RPRD2: variants seen among roughly 807,000 people sequenced by gnomAD.
RPRD2 encodes regulation of nuclear pre-mRNA domain containing 2.
A neutral mutation model predicts 104.4 loss-of-function variants in RPRD2; 12 were observed. The ratio of observed to expected loss-of-function variants is 0.11; its 90% CI spans 0.07 to 0.19. The LOEUF is 0.19. Ranked by LOEUF, RPRD2 falls within the 10% of genes least tolerant of loss-of-function variation. The pLI is 1.00. For synonymous variants in RPRD2, 714 were observed against 684.9 expected, an observed-to-expected ratio of 1.04 and a Z score of -0.66; for missense variants, 1,543 against 1,790.1, an observed-to-expected ratio of 0.86 and a Z score of 2.49.
At chr1:150,428,587 C>T (rs1164674951) in intron 2 of RPRD2, among the ~76,000 whole-genome samples, 3 of 151,798 alleles carry the variant, frequency 2.0e-5, no homozygotes, top group African/African-American at 7.3e-5. Flanking sequence ...TCGAGCTATT[C>T]TCATGCGTCA....
chr1:150,407,018 A>G (rs1267570544), intron 1 of RPRD2, among the ~76,000 whole-genome samples: 1 of 152,170 alleles, frequency 6.6e-6, no homozygotes, highest in Non-Finnish European at 1.5e-5. Context: ...CCTAGCCAGT[A>G]AATTCTTGTA....
At chr1:150,433,910 A>G (rs1353695145) in intron 2 of RPRD2, among the ~76,000 whole-genome samples, 2 of 117,108 alleles carry the variant, frequency 1.7e-5, no homozygotes, top group African/African-American at 6.7e-5. Flanking sequence ...ATATGTATGT[A>G]TATATAGTGT....
At position 150,476,561 on chromosome 1, in the gene RPRD2, T is replaced by G. The variant is rs1404828404; in HGVS notation, c.*3227T>G. The G allele has an allele frequency of 2.0e-5, 3 of 152,186 alleles. No homozygotes were observed. Among genetic ancestry groups the G allele is most frequent in the Non-Finnish European group, 4.4e-5 (3 of 68,030 alleles). The allele number at this position is 152,186 out of a possible 1,614,324, so 9.4% of individuals were successfully genotyped here. On this transcript the variant is annotated 3_prime_UTR_variant, in exon 11 of 11. Transcript: ENST00000369068. ...AATATCGTTTAATAAAATAACTAGT[T>G]TGAAAGGTTTGACATTTTTCTTTGA...
chr1:150,383,378 A>G (rs1661298948), intron 1 of RPRD2, among the ~76,000 whole-genome samples: 1 of 143,868 alleles, frequency 7.0e-6, no homozygotes, highest in South Asian at 2.2e-4. Context: ...GCAGTGGCGC[A>G]ATCTTGGCTC....
rs1553884932 is a variant in RPRD2, at chr1:150,399,680, C to T, written c.206-17916C>T. Among the ~76,000 whole-genome samples, 4 of 151,604 alleles carry T rather than the reference C, an allele frequency of 2.6e-5. No homozygotes were observed. In the Middle Eastern group the frequency reaches 0.01, roughly 387 times the overall value. ...GCTGAGGCAGGAGAATTGCTTAAAC[C>T]TAGGAGGCAGAGGTTGCGGTGAGCA... On this transcript the variant is annotated intron_variant, in intron 1 of 10. Transcript: ENST00000369068.
At chr1:150,365,947 G>A (rs1352129158) in intron 1 of RPRD2, among the ~76,000 whole-genome samples, 1 of 152,142 alleles carries the variant, frequency 6.6e-6, no homozygotes, top group Non-Finnish European at 1.5e-5. Context: ...TGATCTCATG[G>A]GTAATGTGCA....
chr1:150,445,667 T>C (rs1345182906), intron 6 of RPRD2, among the ~76,000 whole-genome samples: 1 of 152,232 alleles, frequency 6.6e-6, no homozygotes, highest in African/African-American at 2.4e-5. Context: ...TTCTTTTCTT[T>C]ACCTTAATTA....
chr1:150,408,242 G>A (rs1385190054), intron 1 of RPRD2, among the ~76,000 whole-genome samples: 2 of 126,740 alleles, frequency 1.6e-5, no homozygotes, highest in South Asian at 2.3e-4. Flanking sequence ...TTGGTTCACT[G>A]CAACCCCTGC....
chr1:150,378,828 C>T (rs1553880123), intron 1 of RPRD2, among the ~76,000 whole-genome samples: 1 of 150,610 alleles, frequency 6.6e-6, no homozygotes, highest in Non-Finnish European at 1.5e-5. Context: ...ACTAAAAATA[C>T]AAAACTTAGC....
chr1:150,379,957 G>C (rs1422750407), intron 1 of RPRD2, among the ~76,000 whole-genome samples: 1 of 152,172 alleles, frequency 6.6e-6, no homozygotes, highest in Non-Finnish European at 1.5e-5. Context: ...AATGACCTTT[G>C]TCAATTTTCT....
chr1:150,385,833 T>G (rs994017314), intron 1 of RPRD2, among the ~76,000 whole-genome samples: 7 of 152,246 alleles, frequency 4.6e-5, no homozygotes, highest in Non-Finnish European at 4.4e-5. Flanking sequence ...AATAGAAATC[T>G]GAATATTTTC....
At chr1:150,466,227 A>C (rs1274672199) in intron 10 of RPRD2, among the ~76,000 whole-genome samples, 4 of 151,420 alleles carry the variant, frequency 2.6e-5, no homozygotes, top group Non-Finnish European at 5.9e-5. Context: ...AAATACAAAA[A>C]ATTAGCCGGG....
intron 2 of RPRD2, among the ~76,000 whole-genome samples, chr1:150,431,009 A>G (rs1184124867): frequency 6.6e-6 from 1 of 152,188 alleles, no homozygotes; most frequent in African/African-American, 2.4e-5. Flanking sequence ...GCAATAACAT[A>G]TACTAAATAG....
Position 150,454,987 on chromosome 1 carries a change from G to A in RPRD2, c.871-2301G>A, listed in dbSNP as rs143267963. Among the ~76,000 whole-genome samples the A allele has an allele frequency of 8.5e-5, 13 of 152,280 alleles. No individual in the cohort carries two copies. The East Asian group carries it at 2.3e-3, about 27-fold the overall frequency. On this transcript the variant is annotated intron_variant, in intron 7 of 10. Transcript: ENST00000369068. ...ATTAAGACTATCAGGACATCAATAGGATTTAAGCCAAGTGGTCAATATTAA... is the reference window on the plus strand; with the variant it reads ...ATTAAGACTATCAGGACATCAATAGAATTTAAGCCAAGTGGTCAATATTAA...
intron 1 of RPRD2, among the ~76,000 whole-genome samples, chr1:150,392,661 A>G (rs906124590): frequency 2.0e-5 from 3 of 151,992 alleles, no homozygotes; most frequent in South Asian, 4.2e-4. Flanking sequence ...TGGGCAACAT[A>G]CATAGCAAGA....
rs587772642 is a variant in RPRD2, at chr1:150,384,977, G to A, written c.205+20058G>A. 4.6e-5 allele frequency among the ~76,000 whole-genome samples: 7 copies of A among 152,108 alleles called. No homozygotes were observed. The South Asian group carries it at 1.5e-3, about 32-fold the overall frequency. ...GCTATAAGGCATGATGATTCTGGCT[G>A]TGAATAGCCACTGCACTCCAGCCTG... On this transcript the variant is annotated intron_variant, in intron 1 of 10. Coordinates refer to ENST00000369068, the MANE Select transcript of RPRD2 (RefSeq NM_015203.5).
chr1:150,454,798 T>C (rs1667411756), intron 7 of RPRD2, among the ~76,000 whole-genome samples: 2 of 152,030 alleles, frequency 1.3e-5, no homozygotes, highest in Admixed American at 1.3e-4. Flanking sequence ...CAGTGAGCTC[T>C]GATCGTGCCA....
chr1:150,364,556 C>T lies in RPRD2; in HGVS notation c.-159C>T. 1.7e-6 allele frequency: 1 copy of T among 574,118 alleles called. No homozygotes were observed. Among genetic ancestry groups the T allele is most frequent in the Non-Finnish European group, 3.1e-6 (1 of 327,784 alleles). 35.6% of individuals were successfully genotyped at this position (574,118 alleles called of 1,614,324 possible). ...GTGCCCAGCAGCTGGTGTTCCCGTC[C>T]GTACCTCCAGAAGAGCCCAGCGCGT... On this transcript the variant is annotated 5_prime_UTR_variant, in exon 1 of 11. Transcript: ENST00000369068.
rs1553889826 is a variant in RPRD2 at position 150,422,365 on chromosome 1, AAT to A, written c.335+4642_335+4643del. ...AAATAATAATAATAATAATAATAAT[AAT>A]AAATAAAATTAAAATAAAAAAATAA... On this transcript the variant is annotated intron_variant, in intron 2 of 10. Transcript: ENST00000369068. Among the ~76,000 whole-genome samples the A allele has an allele frequency of 7.3e-5, 7 of 96,080 alleles. 1 individual carries two copies. Among genetic ancestry groups the A allele is most frequent in the Non-Finnish European group, 1.2e-4 (5 of 42,610 alleles). 63.0% of individuals were successfully genotyped at this position (96,080 alleles called of 152,430 possible).
Sources: gnomAD v4.1 joint callset for allele counts (sites outside exome capture counted in the v4.1 genomes callset) on GRCh38, gnomAD v4.1.1 for gene constraint, MANE v1.5 for transcripts, NCBI Gene and HGNC (gene_info 2026-07-23, HGNC 2026-07-21) for gene names.